The following NXF3 variants were observed in gnomAD, a reference collection of about 807,000 sequenced individuals.
NXF3 encodes the protein nuclear RNA export factor 3.
In NXF3, 34 loss-of-function variants were observed where a neutral mutation model predicts 48.4. That is an observed-to-expected ratio of 0.70 (90% CI 0.53 to 0.93). The LOEUF is 0.93. Among genes scored for constraint, NXF3 ranks in the 40% least tolerant of loss-of-function variants. The pLI, the probability that NXF3 is intolerant of heterozygous loss-of-function variation, is 0.00. For synonymous variants in NXF3, 132 were observed against 145.7 expected (o/e 0.91, Z 0.68); for missense variants, 359 against 406.1 (o/e 0.88, Z 1.00).
At chrX:103,092,016 A>G (rs1461893797) in intron 1 of NXF3, among the ~76,000 whole-genome samples, 1 of 109,591 alleles carries the variant, frequency 9.1e-6, no homozygotes, top group Non-Finnish European at 1.9e-5. Context: ...GAAGAAGATT[A>G]AACATTAGAT....
Position 103,078,546 on chromosome X carries a change from AAC to A in NXF3, c.1451+12_1451+13del, listed in dbSNP as rs1252583775. ...GGTTGGGATGGGTGCTCCCACCCACAACACAGCACTAACCTGGAACTGCTGCC... is the reference window on the plus strand; with the variant it reads ...GGTTGGGATGGGTGCTCCCACCCACAACAGCACTAACCTGGAACTGCTGCC... On this transcript the variant is annotated intron_variant, in intron 17 of 19. Coordinates refer to ENST00000395065, the MANE Select transcript of NXF3 (RefSeq NM_022052.2). 8.3e-7 allele frequency: 1 copy of A among 1,212,079 alleles called. No homozygotes were observed. The highest frequency in any genetic ancestry group is 1.1e-6 in the Non-Finnish European group (1 of 895,562).
At position 103,084,047 on chromosome X, in the gene NXF3, A is replaced by C. The variant is rs759949646; in HGVS notation, c.351+295T>G. On this transcript the variant is annotated intron_variant, in intron 3 of 19. Coordinates refer to ENST00000395065, the MANE Select transcript of NXF3 (RefSeq NM_022052.2). ...GGACCCCACTAATTCAACCCCTCAC[A>C]CACTTAGTTTGAGCTAAACTGAAGC... Among the ~76,000 whole-genome samples, 4 of 110,954 alleles carry C rather than the reference A, an allele frequency of 3.6e-5. No individual in the cohort carries two copies. In the East Asian group the frequency reaches 1.1e-3, roughly 32 times the overall value.
intron 18 of NXF3, among the ~76,000 whole-genome samples, chrX:103,076,583 C>A (rs1921874442): frequency 9.0e-6 from 1 of 111,380 alleles, no homozygotes; most frequent in Non-Finnish European, 1.9e-5. Context: ...CTTTTGGTTC[C>A]TAAATAAGAT....
At position 103,075,826 on chromosome X, in the gene NXF3, C is replaced by T. The variant is rs1921858693; in HGVS notation, c.*224G>A. On this transcript the variant is annotated 3_prime_UTR_variant, in exon 20 of 20. Transcript: ENST00000395065. ...TCAAATGGATTTTGCAGGGATTTGA[C>T]ATAACAAGACACCATACTTTATTGT... The T allele has an allele frequency of 8.1e-6, 1 of 123,913 alleles. No homozygotes were observed. The allele number at this position is 123,913 out of a possible 1,213,427, so 10.2% of individuals were successfully genotyped here.
chrX:103,084,609 T>C (rs1226215946), intron 2 of NXF3, 106 bp downstream of exon 2: 2 of 1,126,375 alleles, frequency 1.8e-6, no homozygotes, highest in Non-Finnish European at 2.4e-6. Context: ...AATCGAGTTC[T>C]GTCATTCCTC....
chrX:103,087,786 G>T, intron 1 of NXF3: 2 of 920,299 alleles, frequency 2.2e-6, no homozygotes, highest in South Asian at 4.2e-5. Context: ...AAATCTTTTT[G>T]ACAGTCACCT....
intron 1 of NXF3, among the ~76,000 whole-genome samples, chrX:103,086,531 G>C (rs922643641): frequency 2.4e-4 from 27 of 110,498 alleles, no homozygotes; most frequent in African/African-American, 8.2e-4. Flanking sequence ...TTTCAAAGGA[G>C]AGGTGTGGAA....
At position 103,079,483 on chromosome X, in the gene NXF3, G is replaced by A; in HGVS notation, c.1220-9C>T. ...CAGCTCCCCCCGAAGGTCTGTAGAG[G>A]AGAAGAGAAGCAAGGATTTGGGGGG... On this transcript the variant is annotated splice_polypyrimidine_tract_variant and intron_variant, in intron 14 of 19. Transcript: ENST00000395065. 8.3e-7 allele frequency: 1 copy of A among 1,201,935 alleles called. No individual in the cohort carries two copies. The highest frequency in any genetic ancestry group is 1.1e-6 in the Non-Finnish European group (1 of 886,574).
At chrX:103,088,403 GACTTTGCGATTTTCTT>G in intron 1 of NXF3, 1 of 589,005 alleles carries the variant, frequency 1.7e-6, no homozygotes, top group Non-Finnish European at 2.8e-6. Flanking sequence ...AAAAAACATT[GACTTTGCGATTTTCTT>G]GGCAAAAGCA....
chrX:103,079,136 G>A, intron 16 of NXF3, 85 bp downstream of exon 16: 1 of 941,104 alleles, frequency 1.1e-6, no homozygotes, highest in Non-Finnish European at 1.5e-6. Flanking sequence ...ACGAAATGAG[G>A]GAAGCTGGGG....
chrX:103,078,433 C>T, intron 17 of NXF3, 127 bp downstream of exon 17: 1 of 1,003,472 alleles, frequency 1.0e-6, no homozygotes, highest in Non-Finnish European at 1.4e-6. Context: ...GGCCCATACT[C>T]TTAACTATTA....
rs200384146 is a variant in NXF3 at position 103,083,378 on chromosome X, G to A, written c.540+20C>T. The stretch of plus-strand genomic sequence containing the variant: ...GCCCTCTTGCTCGATGCTAGCCCTG[G>A]TCATTCATTTGACACACACCTTTTC... On this transcript the variant is annotated intron_variant, in intron 5 of 19. Coordinates refer to ENST00000395065, the MANE Select transcript of NXF3 (RefSeq NM_022052.2). 2.2e-4 allele frequency: 264 copies of A among 1,182,634 alleles called. No individual in the cohort carries two copies. The highest frequency in any genetic ancestry group is 3.0e-4 in the Non-Finnish European group (260 of 870,867).
At chrX:103,078,672 G>C (rs186851461) in intron 16 of NXF3, 40 bp from the exon 17 acceptor site, 2 of 1,207,418 alleles carry the variant, frequency 1.7e-6, no homozygotes, top group East Asian at 5.9e-5. Flanking sequence ...GAGTTGCACA[G>C]GCTTTACGTG....
Position 103,080,044 on chromosome X carries a change from A to G in NXF3, c.1021T>C (p.Leu341=), listed in dbSNP as rs148916951. Residue 341 remains leucine (L), a synonymous_variant, in exon 12 of 20, where the codon TTG becomes CTG. Coordinates refer to ENST00000395065, the MANE Select transcript of NXF3 (RefSeq NM_022052.2). ...CKGSFFGSEM[L]KNLVLQFLQQ... ...AGGAATTGCAGGACCAGATTCTTCA[A>G]CATCTCAGATCCAAAGAAGCTTCCC... is the stretch of plus-strand genomic sequence containing the variant. 112 of 1,209,432 alleles carry G rather than the reference A, an allele frequency of 9.3e-5. No homozygotes were observed. Among genetic ancestry groups the G allele is most frequent in the Non-Finnish European group, 1.2e-4 (103 of 895,078 alleles).
At chrX:103,086,990 G>A (rs769004686) in intron 1 of NXF3, among the ~76,000 whole-genome samples, 242 of 112,254 alleles carry the variant, frequency 2.2e-3, no homozygotes, top group Non-Finnish European at 3.1e-3. Context: ...TCAGAAACCC[G>A]ATTGAGAAGT....
In NXF3 at chrX:103,083,630, A is replaced by G. The variant is rs746684695; in HGVS notation, c.414T>C (p.Ser138=). The change falls in exon 4 of 20, where the codon AGT becomes AGC. Residue 138 remains serine, a synonymous_variant. Transcript: ENST00000395065. ...TTACCTCAACTGGGACGAAGGGTAC[A>G]CTGCATTCATTCTGAATCAAATTCA... ...WLLNLIQNEC[S]VPFVPVEFHY... is the part of the protein sequence containing the mutation. 2 of 1,209,617 alleles carry G rather than the reference A, an allele frequency of 1.7e-6. No homozygotes were observed. The highest frequency in any genetic ancestry group is 5.9e-5 in the East Asian group (2 of 33,834).
chrX:103,079,619 T>G lies in NXF3; in HGVS notation c.1184A>C (p.Lys395Thr). ...GAGAATTTTTATATTCCTGCTATCC[T>G]TGAAGAACTTGCAGAAGCTGCTCCT... ...SAPSSFCKFF[K>T]DSRNIKILKD... Residue 395 changes from lysine (K) to threonine (T), a missense_variant, in exon 14 of 20, where the codon AAG (lysine) becomes ACG (threonine). Transcript: ENST00000395065. 1.7e-6 allele frequency: 2 copies of G among 1,211,162 alleles called. No homozygotes were observed. The highest frequency in any genetic ancestry group is 3.5e-5 in the South Asian group (2 of 56,935).
chrX:103,077,850 T>C lies in NXF3; in HGVS notation c.1452-104A>G, dbSNP rs951610028. The C allele has an allele frequency of 4.2e-6, 4 of 947,315 alleles. No individual in the cohort carries two copies. In the African/African-American group the frequency reaches 7.7e-5, roughly 18 times the overall value. 78.1% of individuals were successfully genotyped at this position (947,315 alleles called of 1,213,427 possible). ...TCAGCAACCTGATTTCTTCGATACCTCTACTGTGCCTCCCTCCTAGCTTTT... is the reference window on the plus strand; with the variant it reads ...TCAGCAACCTGATTTCTTCGATACCCCTACTGTGCCTCCCTCCTAGCTTTT... On this transcript the variant is annotated intron_variant, in intron 17 of 19. Coordinates refer to ENST00000395065, the MANE Select transcript of NXF3 (RefSeq NM_022052.2).
rs192883296 is a variant in NXF3 at position 103,078,498 on chromosome X, A to T, written c.1451+62T>A. 1,204 of 1,200,726 alleles carry T rather than the reference A, an allele frequency of 1.0e-3. 4 individuals are homozygous for T. The highest frequency in any genetic ancestry group is 1.3e-3 in the Non-Finnish European group (1,162 of 886,670). On this transcript the variant is annotated intron_variant, in intron 17 of 19. Coordinates refer to ENST00000395065, the MANE Select transcript of NXF3 (RefSeq NM_022052.2). ...AGAACACCCCGAGGACTGCACCACC[A>T]CATTCCCACACCACTGGCCCCAGGT...
Sources: gnomAD v4.1 joint callset for allele counts (sites outside exome capture counted in the v4.1 genomes callset) on GRCh38, gnomAD v4.1.1 for gene constraint, MANE v1.5 for transcripts, NCBI Gene and HGNC (gene_info 2026-07-23, HGNC 2026-07-21) for gene names.